CLNK: variants seen among roughly 807,000 people sequenced by gnomAD.
CLNK encodes the protein cytokine dependent hematopoietic cell linker, also known as cytokine-dependent hematopoietic cell linker.
A neutral mutation model predicts 68.6 loss-of-function variants in CLNK; 74 were observed. The ratio of observed to expected loss-of-function variants is 1.08; its 90% CI spans 0.89 to 1.31. The LOEUF (loss-of-function observed/expected upper bound fraction) is 1.31, where lower values mean the gene tolerates loss of function less well. Among genes scored for constraint, CLNK ranks in the 50% most tolerant of loss-of-function variants. The pLI, the probability that CLNK is intolerant of heterozygous loss-of-function variation, is 0.00. For synonymous variants in CLNK, 198 were observed against 172.2 expected (o/e 1.15, Z -1.17); for missense variants, 553 against 515.3 (o/e 1.07, Z -0.71).
At chr4:10,714,141 G>A in the CLNK span, among the ~76,000 whole-genome samples, 1 of 152,192 alleles carries the variant, frequency 6.6e-6, no homozygotes, top group Non-Finnish European at 1.5e-5. Flanking sequence ...CCCCTTCCCA[G>A]GCTGTGGCTT....
At chr4:10,726,416 G>T in the CLNK span, among the ~76,000 whole-genome samples, 1 of 152,166 alleles carries the variant, frequency 6.6e-6, no homozygotes, top group East Asian at 1.9e-4. Flanking sequence ...ACCATGCCTG[G>T]CCCTATGTGT....
rs1430451531 is a variant in CLNK at position 10,597,980 on chromosome 4, GT to G, written c.80del (p.Asn27ThrfsTer17). On this transcript the variant is annotated frameshift_variant, in exon 3 of 19. Coordinates refer to ENST00000226951, the MANE Select transcript of CLNK (RefSeq NM_052964.4). LOFTEE classifies it high-confidence loss of function. ...LKFQNFSLPK[N>X]RSWPRINSAT... ...AATAAACAAGTAAATATTCTGACCTGTTTTTTGGCAGACTGAAGTTCTGGAA... is the reference window on the plus strand; with the variant it reads ...AATAAACAAGTAAATATTCTGACCTGTTTTTGGCAGACTGAAGTTCTGGAA... The G allele has an allele frequency of 4.4e-6, 7 of 1,573,416 alleles. No individual in the cohort carries two copies. The highest frequency in any genetic ancestry group is 1.7e-4 in the Middle Eastern group (1 of 5,766).
chr4:10,655,539 A>T (rs993122606), intron 2 of CLNK, among the ~76,000 whole-genome samples: 1 of 152,034 alleles, frequency 6.6e-6, no homozygotes, highest in African/African-American at 2.4e-5. Context: ...GGGGCTGATA[A>T]TGTATCATGG....
chr4:10,539,208 G>A (rs1335368543), intron 11 of CLNK, among the ~76,000 whole-genome samples: 1 of 152,210 alleles, frequency 6.6e-6, no homozygotes, highest in East Asian at 1.9e-4. Context: ...CAGTTGAAAG[G>A]GGGACAGAAA....
chr4:10,526,665 G>A (rs185493369), intron 13 of CLNK, among the ~76,000 whole-genome samples: 4 of 152,264 alleles, frequency 2.6e-5, no homozygotes, highest in Admixed American at 6.5e-5. Flanking sequence ...GGGTTCTCAC[G>A]TAGACCAGCA....
chr4:10,572,218 C>G (rs577475326), intron 4 of CLNK, among the ~76,000 whole-genome samples: 1 of 152,254 alleles, frequency 6.6e-6, no homozygotes, highest in Non-Finnish European at 1.5e-5. Flanking sequence ...ATACATCTGT[C>G]TCCTGAATAG....
intron 1 of CLNK, among the ~76,000 whole-genome samples, chr4:10,669,102 C>G (rs866565258): frequency 1.3e-5 from 2 of 152,154 alleles, no homozygotes; most frequent in Non-Finnish European, 2.9e-5. Context: ...ACTGAGCCTT[C>G]GGCATTTTTA....
At chr4:10,490,703 G>GGAA (rs763216459) in intron 18 of CLNK, 90 bp from the exon 19 acceptor site, 3 of 1,028,442 alleles carry the variant, frequency 2.9e-6, no homozygotes, top group Non-Finnish European at 4.2e-6. Context: ...TTTTGCATGG[G>GGAA]GAAGAGGTGA....
At chr4:10,599,570 G>A (rs1721512027) in intron 2 of CLNK, among the ~76,000 whole-genome samples, 1 of 152,004 alleles carries the variant, frequency 6.6e-6, no homozygotes, top group South Asian at 2.1e-4. Flanking sequence ...TTCCAGGCAT[G>A]AACACTGAAC....
At chr4:10,695,805 T>C in the CLNK span, among the ~76,000 whole-genome samples, 1 of 151,950 alleles carries the variant, frequency 6.6e-6, no homozygotes, top group East Asian at 1.9e-4. Flanking sequence ...TATAGAGCAT[T>C]CAATTCCCCT....
At chr4:10,640,958 GT>G (rs1723283170) in intron 2 of CLNK, among the ~76,000 whole-genome samples, 2 of 152,366 alleles carry the variant, frequency 1.3e-5, no homozygotes, top group Non-Finnish European at 2.9e-5. Flanking sequence ...AGGGGGCCTT[GT>G]GGTAGCTGCC....
At chr4:10,688,074 T>G (rs955047209), upstream of CLNK, among the ~76,000 whole-genome samples, 8 of 152,170 alleles carry the variant, frequency 5.3e-5, no homozygotes, top group African/African-American at 1.9e-4. Context: ...GGAGTGGCTA[T>G]TAGGATAAAA....
chr4:10,552,451 A>G (rs1719499951), intron 8 of CLNK, among the ~76,000 whole-genome samples: 1 of 152,078 alleles, frequency 6.6e-6, no homozygotes, highest in Non-Finnish European at 1.5e-5. Context: ...AGATAACACC[A>G]CTATTGTAGA....
intron 4 of CLNK, among the ~76,000 whole-genome samples, chr4:10,576,808 G>C (rs557996451): frequency 2.0e-5 from 3 of 152,200 alleles, no homozygotes; most frequent in Non-Finnish European, 4.4e-5. Flanking sequence ...TTTTAGAACC[G>C]CTAAGTTAGA....
intron 2 of CLNK, among the ~76,000 whole-genome samples, chr4:10,636,651 C>T (rs1018479055): frequency 7.2e-5 from 11 of 152,224 alleles, no homozygotes; most frequent in African/African-American, 9.6e-5. Flanking sequence ...AATAGCAGCA[C>T]GCCAAGGCAT....
chr4:10,650,016 T>C (rs6846641), intron 2 of CLNK, among the ~76,000 whole-genome samples: 3,394 of 152,194 alleles, frequency 0.022, 49 homozygotes, highest in South Asian at 0.052. Flanking sequence ...AGTGGACACA[T>C]GAACAAAGTG....
intron 8 of CLNK, among the ~76,000 whole-genome samples, 200 bp from the exon 9 acceptor site, chr4:10,542,480 T>A (rs1289489274): frequency 6.6e-6 from 1 of 152,118 alleles, no homozygotes; most frequent in African/African-American, 2.4e-5. Flanking sequence ...TCACCCTTGT[T>A]CGGTTAATGA....
chr4:10,652,224 A>T (rs974049508), intron 2 of CLNK, among the ~76,000 whole-genome samples: 10 of 151,974 alleles, frequency 6.6e-5, no homozygotes, highest in Non-Finnish European at 1.2e-4. Context: ...CTACTAAAAA[A>T]TACAAATATT....
intron 8 of CLNK, among the ~76,000 whole-genome samples, chr4:10,555,220 C>A (rs1252685498): frequency 6.6e-6 from 1 of 150,408 alleles, no homozygotes; most frequent in South Asian, 2.1e-4. Flanking sequence ...TTTTTCTTTT[C>A]TTGGAGGCTT....
Sources: allele counts gnomAD v4.1 joint callset (sites outside exome capture counted in the v4.1 genomes callset), GRCh38; gene constraint gnomAD v4.1.1; transcripts MANE v1.5; gene names NCBI Gene and HGNC (gene_info 2026-07-23, HGNC 2026-07-21).